GABRB1: variants seen among roughly 807,000 people sequenced by gnomAD.
The protein encoded by GABRB1 is gamma-aminobutyric acid type A receptor subunit beta1, also known as gamma-aminobutyric acid receptor subunit beta-1.
In GABRB1, 17 loss-of-function variants were observed where a neutral mutation model predicts 51.6. That is an observed-to-expected ratio of 0.33 (90% CI 0.23 to 0.49). The LOEUF is 0.49. GABRB1 is among the 20% of genes least tolerant of loss of function. The pLI is 0.99. For synonymous variants in GABRB1, 247 were observed against 218.9 expected, an observed-to-expected ratio of 1.13 and a Z score of -1.14; for missense variants, 410 against 600.6, an observed-to-expected ratio of 0.68 and a Z score of 3.32.
At chr4:47,003,256 C>T (rs1289209498) in intron 1 of GABRB1, among the ~76,000 whole-genome samples, 1 of 152,174 alleles carries the variant, frequency 6.6e-6, no homozygotes, top group Non-Finnish European at 1.5e-5. Flanking sequence ...GTGCAGCTCA[C>T]TTGTGAAATC....
At chr4:47,399,159 G>A (rs900728973) in intron 5 of GABRB1, among the ~76,000 whole-genome samples, 2 of 152,090 alleles carry the variant, frequency 1.3e-5, no homozygotes, top group African/African-American at 4.8e-5. Context: ...GTTATCAAAT[G>A]CCATTTTAGT....
chr4:47,101,935 G>A (rs894434315), intron 3 of GABRB1, among the ~76,000 whole-genome samples: 8 of 151,948 alleles, frequency 5.3e-5, no homozygotes, highest in Non-Finnish European at 2.9e-5. Context: ...TTACAAAAGC[G>A]CCTCCTTCAT....
At chr4:47,389,515 G>T (rs1374446869) in intron 5 of GABRB1, among the ~76,000 whole-genome samples, 1 of 152,186 alleles carries the variant, frequency 6.6e-6, no homozygotes, top group Admixed American at 6.5e-5. Context: ...GTAAGCAGTG[G>T]ATGACCATTC....
chr4:47,195,818 T>C lies in GABRB1; in HGVS notation c.461+34349T>C, dbSNP rs946257142. Among the ~76,000 whole-genome samples the C allele has an allele frequency of 5.9e-5, 9 of 152,364 alleles. No individual in the cohort carries two copies. The East Asian group carries it at 1.4e-3, about 23-fold the overall frequency. On this transcript the variant is annotated intron_variant, in intron 4 of 8. Coordinates refer to ENST00000295454, the MANE Select transcript of GABRB1 (RefSeq NM_000812.4). ...TAATTCTCTTGATTTTTCTACTTTA[T>C]TGTTGAGAAATTGAGTCTTAAACAC... is the stretch of plus-strand genomic sequence containing the variant.
At chr4:47,279,478 G>A (rs912233662) in intron 4 of GABRB1, among the ~76,000 whole-genome samples, 1 of 152,118 alleles carries the variant, frequency 6.6e-6, no homozygotes, top group Admixed American at 6.5e-5. Context: ...TGCATTTCTT[G>A]TTGGAAAGTA....
chr4:47,414,390 G>A (rs1402218669), intron 8 of GABRB1, among the ~76,000 whole-genome samples: 1 of 152,166 alleles, frequency 6.6e-6, no homozygotes, highest in Non-Finnish European at 1.5e-5. Flanking sequence ...ACAACTTGAA[G>A]CAGGGAAAGG....
At chr4:47,212,176 AC>A (rs1256342925) in intron 4 of GABRB1, among the ~76,000 whole-genome samples, 1 of 152,188 alleles carries the variant, frequency 6.6e-6, no homozygotes, top group Non-Finnish European at 1.5e-5. Flanking sequence ...ACAGCCAGCT[AC>A]GCAGATCCTC....
chr4:47,118,054 C>CTGTT (rs569554399), intron 3 of GABRB1, among the ~76,000 whole-genome samples: 59 of 152,194 alleles, frequency 3.9e-4, no homozygotes, highest in African/African-American at 1.4e-3. Flanking sequence ...TAATGGGCAT[C>CTGTT]TGTTAAAATA....
At chr4:47,349,911 C>T (rs1349430177) in intron 5 of GABRB1, among the ~76,000 whole-genome samples, 1 of 152,044 alleles carries the variant, frequency 6.6e-6, no homozygotes, top group African/African-American at 2.4e-5. Flanking sequence ...AGAATATACA[C>T]ACACTTTATA....
intron 1 of GABRB1, chr4:46,994,458 G>GA (rs2109419460): frequency 6.8e-6 from 1 of 147,486 alleles, no homozygotes; most frequent in South Asian, 2.3e-4. Context: ...GGGGGAAAGA[G>GA]AAAATGTGTG....
At chr4:47,238,213 A>C (rs1201295353) in intron 4 of GABRB1, among the ~76,000 whole-genome samples, 1 of 152,052 alleles carries the variant, frequency 6.6e-6, no homozygotes, top group Non-Finnish European at 1.5e-5. Context: ...AATGAGGAAA[A>C]CATAACATAT....
At chr4:47,027,031 A>G (rs566664557), upstream of GABRB1, among the ~76,000 whole-genome samples, 1 of 151,874 alleles carries the variant, frequency 6.6e-6, no homozygotes, top group Admixed American at 6.6e-5. Flanking sequence ...TATGAACACT[A>G]GATATGTCAA....
intron 3 of GABRB1, among the ~76,000 whole-genome samples, chr4:47,103,551 T>C (rs571330616): frequency 6.6e-6 from 1 of 152,132 alleles, no homozygotes; most frequent in South Asian, 2.1e-4. Flanking sequence ...GAAGAAATTG[T>C]CTTTCTGCAG....
chr4:47,356,416 T>A (rs888743907), intron 5 of GABRB1, among the ~76,000 whole-genome samples: 3 of 152,340 alleles, frequency 2.0e-5, no homozygotes, highest in African/African-American at 7.2e-5. Context: ...CAAAATTTGA[T>A]TTCCAAACAC....
intron 1 of GABRB1, among the ~76,000 whole-genome samples, chr4:47,001,361 C>A (rs1245157036): frequency 6.6e-6 from 1 of 152,058 alleles, no homozygotes; most frequent in Non-Finnish European, 1.5e-5. Flanking sequence ...CCAGGATGGT[C>A]TGAATCTCCT....
chr4:47,290,067 G>A (rs141856665), intron 4 of GABRB1, among the ~76,000 whole-genome samples: 11 of 152,272 alleles, frequency 7.2e-5, no homozygotes, highest in Middle Eastern at 3.4e-3. Flanking sequence ...TAGCATATGT[G>A]GGGATAGGAT....
chr4:47,264,075 G>A (rs931333967), intron 4 of GABRB1, among the ~76,000 whole-genome samples: 1 of 152,028 alleles, frequency 6.6e-6, no homozygotes, highest in African/African-American at 2.4e-5. Context: ...CCAGAAGAGG[G>A]AGGCTGTAGT....
intron 5 of GABRB1, among the ~76,000 whole-genome samples, chr4:47,362,998 AAATGAG>A (rs1161287782): frequency 6.7e-6 from 1 of 150,306 alleles, no homozygotes; most frequent in Non-Finnish European, 1.5e-5. Context: ...CCAGACTGAT[AAATGAG>A]AATGAGTGTC....
rs556215587 is a variant in GABRB1 at position 47,001,440 on chromosome 4, C to T, written c.-20+7514C>T. ...TACAGGTGTGAGCCACCATGCCCGG[C>T]CAGATATTATTTTCAATATTTCTGT... On this transcript the variant is annotated intron_variant, in intron 1 of 3. Transcript: ENST00000513567. 3.9e-5 allele frequency among the ~76,000 whole-genome samples: 6 copies of T among 152,250 alleles called. No homozygotes were observed. The South Asian group carries it at 6.2e-4, about 16-fold the overall frequency.
Sources: gnomAD v4.1 joint callset for allele counts (sites outside exome capture counted in the v4.1 genomes callset) on GRCh38, gnomAD v4.1.1 for gene constraint, MANE v1.5 for transcripts, NCBI Gene and HGNC (gene_info 2026-07-23, HGNC 2026-07-21) for gene names.